ROBO1: variants seen among roughly 807,000 people sequenced by gnomAD.
ROBO1 encodes the protein roundabout guidance receptor 1, also known as roundabout homolog 1.
In ROBO1, 149 loss-of-function variants were observed where a neutral mutation model predicts 195.9. That is an observed-to-expected ratio of 0.76 (90% CI 0.67 to 0.87). The LOEUF (loss-of-function observed/expected upper bound fraction) is 0.87. ROBO1 is among the 40% of genes least tolerant of loss of function. The pLI is 0.00. For missense variants in ROBO1, 1,933 were observed against 2,068.3 expected (o/e 0.93, Z 1.27); for synonymous variants, 816 against 733.2 (o/e 1.11, Z -1.82).
At chr3:79,096,573 A>G (rs1418119909) in intron 3 of ROBO1, among the ~76,000 whole-genome samples, 1 of 151,650 alleles carries the variant, frequency 6.6e-6, no homozygotes, top group Non-Finnish European at 1.5e-5. Context: ...GTTTTGGGGA[A>G]GGTAAACATG....
chr3:79,370,997 C>G lies in ROBO1; in HGVS notation c.88+218827G>C, dbSNP rs571610554. Among the ~76,000 whole-genome samples, 81 of 152,212 alleles carry G rather than the reference C, an allele frequency of 5.3e-4. 1 individual carries two copies. The highest frequency in any genetic ancestry group is 2.3e-3 in the Admixed American group (35 of 15,282). ...GGATGGTTTCCAGCTCCATCCATGT[C>G]CCTGCAAAGGACATGAACTCATTCT... is the stretch of plus-strand genomic sequence containing the variant. On this transcript the variant is annotated intron_variant, in intron 2 of 30. Coordinates refer to ENST00000464233, the MANE Select transcript of ROBO1 (RefSeq NM_002941.4).
At chr3:78,718,383 G>A (rs577405334) in intron 5 of ROBO1, among the ~76,000 whole-genome samples, 1 of 152,220 alleles carries the variant, frequency 6.6e-6, no homozygotes, top group Admixed American at 6.5e-5. Context: ...TTTAAAGAAT[G>A]TATCTTCATT....
chr3:79,528,798 C>T (rs545766991), intron 2 of ROBO1, among the ~76,000 whole-genome samples: 17 of 152,256 alleles, frequency 1.1e-4, no homozygotes, highest in Admixed American at 2.6e-4. Flanking sequence ...CTTGGAAATA[C>T]GGTCAGCGAT....
intron 28 of ROBO1, among the ~76,000 whole-genome samples, chr3:78,611,056 A>G (rs561240267): frequency 6.6e-6 from 1 of 152,242 alleles, no homozygotes; most frequent in South Asian, 2.1e-4. Flanking sequence ...TGTAGACTTC[A>G]TGTAATCTTA....
intron 2 of ROBO1, among the ~76,000 whole-genome samples, chr3:79,246,399 T>C (rs2082625053): frequency 6.6e-6 from 1 of 152,104 alleles, no homozygotes; most frequent in African/African-American, 2.4e-5. Context: ...TGTGTCTAAA[T>C]AACAACAGAA....
chr3:79,488,626 TATACC>T (rs1255040180), intron 2 of ROBO1, among the ~76,000 whole-genome samples: 1 of 152,176 alleles, frequency 6.6e-6, no homozygotes, highest in Non-Finnish European at 1.5e-5. Context: ...GTCTCAGCAT[TATACC>T]ATACAATATT....
At chr3:78,824,575 G>T (rs2031401524) in intron 4 of ROBO1, among the ~76,000 whole-genome samples, 1 of 152,164 alleles carries the variant, frequency 6.6e-6, no homozygotes, top group East Asian at 1.9e-4. Context: ...TAGAAGTCAT[G>T]ATAGCAGTTA....
chr3:79,005,130 C>G (rs918537202), intron 3 of ROBO1, among the ~76,000 whole-genome samples: 2 of 152,190 alleles, frequency 1.3e-5, no homozygotes, highest in East Asian at 3.9e-4. Context: ...TTTAAACATG[C>G]CTCCTATGGA....
At chr3:78,776,811 T>A (rs1245530664) in intron 4 of ROBO1, among the ~76,000 whole-genome samples, 1 of 152,180 alleles carries the variant, frequency 6.6e-6, no homozygotes. Context: ...GTTTCTGAAC[T>A]GTTTTGTGCT....
chr3:79,115,543 G>A (rs1053312018), intron 3 of ROBO1, among the ~76,000 whole-genome samples: 1 of 152,064 alleles, frequency 6.6e-6, no homozygotes, highest in Non-Finnish European at 1.5e-5. Context: ...AGGGATACAG[G>A]TTATATATGG....
Position 78,606,985 on chromosome 3 carries a change from T to C in ROBO1, c.4492A>G (p.Lys1498Glu). The change falls in exon 29 of 31, where the codon AAG (lysine) becomes GAG (glutamate). Residue 1498 changes from lysine to glutamate, a missense_variant. This residue lies in a region of ROBO1 where 1,737 missense variants were observed against 1,882.5 expected (regional missense o/e 0.92). Transcript: ENST00000464233. Reference sequence around the variant, plus strand: ...ACAGGTCGTACTTCCAGCTGTGTCTTGGATTGGGCAGTAGGTGACTTTATA... The same window carrying C: ...ACAGGTCGTACTTCCAGCTGTGTCTCGGATTGGGCAGTAGGTGACTTTATA... ...PAIKSPTAQS[K>E]TQLEVRPVVV... 6.2e-7 allele frequency: 1 copy of C among 1,613,788 alleles called. No individual in the cohort carries two copies.
At chr3:79,424,246 A>T (rs1278760583) in intron 2 of ROBO1, among the ~76,000 whole-genome samples, 1 of 152,144 alleles carries the variant, frequency 6.6e-6, no homozygotes, top group Non-Finnish European at 1.5e-5. Flanking sequence ...CTCAGCTCTG[A>T]TCTAGATTAT....
At chr3:79,092,285 C>A (rs548518258) in intron 3 of ROBO1, among the ~76,000 whole-genome samples, 2 of 152,074 alleles carry the variant, frequency 1.3e-5, no homozygotes, top group Admixed American at 1.3e-4. Flanking sequence ...TTTAATGAGA[C>A]GGAGGAACAC....
chr3:79,211,474 C>G (rs1337590527), intron 2 of ROBO1, among the ~76,000 whole-genome samples: 1 of 152,060 alleles, frequency 6.6e-6, no homozygotes, highest in African/African-American at 2.4e-5. Flanking sequence ...TCTGCATGAC[C>G]CAGCTCTCAC....
intron 21 of ROBO1, among the ~76,000 whole-genome samples, chr3:78,641,298 C>A (rs1319158616): frequency 6.6e-6 from 1 of 152,112 alleles, no homozygotes; most frequent in African/African-American, 2.4e-5. Context: ...CATACCCTAG[C>A]AGGCTGGCCC....
intron 4 of ROBO1, among the ~76,000 whole-genome samples, chr3:78,904,083 T>C (rs567093769): frequency 2.5e-4 from 38 of 152,060 alleles, no homozygotes; most frequent in African/African-American, 8.2e-4. Context: ...ATGAGTATAT[T>C]AGTTAGATAA....
intron 3 of ROBO1, among the ~76,000 whole-genome samples, chr3:79,046,433 G>C (rs2078593882): frequency 1.3e-5 from 2 of 151,996 alleles, no homozygotes; most frequent in Non-Finnish European, 2.9e-5. Flanking sequence ...CGAAGTGATA[G>C]GAAAATATAT....
intron 4 of ROBO1, among the ~76,000 whole-genome samples, chr3:78,751,064 C>A (rs984007127): frequency 6.6e-6 from 1 of 152,118 alleles, no homozygotes; most frequent in African/African-American, 2.4e-5. Flanking sequence ...GGCGATTGTG[C>A]ATCACTGCGC....
intron 8 of ROBO1, among the ~76,000 whole-genome samples, chr3:78,704,515 A>T (rs879199589): frequency 1.3e-5 from 2 of 152,052 alleles, no homozygotes; most frequent in Admixed American, 1.3e-4. Context: ...AGTCTACAGT[A>T]AGCTATATTG....
Sources: allele counts gnomAD v4.1 joint callset (sites outside exome capture counted in the v4.1 genomes callset), GRCh38; gene constraint gnomAD v4.1.1; regional missense constraint gnomAD v4.1.1; transcripts MANE v1.5; gene names NCBI Gene and HGNC (gene_info 2026-07-23, HGNC 2026-07-21).